Variants in TNRC6C observed in about 807,000 individuals in gnomAD.
TNRC6C encodes trinucleotide repeat-containing gene 6C protein.
A neutral mutation model predicts 153.7 loss-of-function variants in TNRC6C; 20 were observed. The ratio of observed to expected loss-of-function variants is 0.13; its 90% CI spans 0.09 to 0.19. The LOEUF is 0.19. Ranked by LOEUF, TNRC6C falls within the 10% of genes least tolerant of loss-of-function variation. The probability of loss-of-function intolerance (pLI) is 1.00; values close to 1 mark genes in which losing one functional copy is unlikely to be tolerated. For synonymous variants in TNRC6C, 811 were observed against 841.4 expected (o/e 0.96, Z 0.63); for missense variants, 1,987 against 2,172.0 (o/e 0.91, Z 1.69).
chr17:78,034,769 G>A (rs2072146742), intron 2 of TNRC6C, among the ~76,000 whole-genome samples: 1 of 152,094 alleles, frequency 6.6e-6, no homozygotes, highest in African/African-American at 2.4e-5. Context: ...AGGAGTTCGA[G>A]GCCAGCCTGG....
intron 11 of TNRC6C, among the ~76,000 whole-genome samples, chr17:78,084,326 A>G (rs1005927202): frequency 1.6e-4 from 24 of 151,120 alleles, no homozygotes; most frequent in African/African-American, 5.6e-4. Flanking sequence ...TGAAGGAGAA[A>G]AAAAAAAAAA....
chr17:78,093,705 T>G, exon 16 of TNRC6C: 2 of 1,613,958 alleles, frequency 1.2e-6, no homozygotes, highest in South Asian at 1.1e-5. Flanking sequence ...GTGTCCCCAC[T>G]GGGCCTACCA....
intron 3 of TNRC6C, among the ~76,000 whole-genome samples, chr17:78,062,720 G>A (rs566928794): frequency 2.6e-5 from 4 of 152,308 alleles, no homozygotes; most frequent in East Asian, 3.9e-4. Context: ...TGTGAAGGGC[G>A]TGGGGAAATC....
rs546559640 is a variant in TNRC6C, at chr17:78,087,490, C to T, written c.3802+397C>T. ...AGGAGTTTTGCCGCTGCCAATAATA[C>T]TCTCAGTATAAAACCTTTAAAGGTA... is the stretch of plus-strand genomic sequence containing the variant. On this transcript the variant is annotated intron_variant, in intron 13 of 19. Coordinates refer to ENST00000301624, the Ensembl canonical transcript of TNRC6C. Among the ~76,000 whole-genome samples the T allele has an allele frequency of 7.2e-5, 11 of 151,986 alleles. No individual in the cohort carries two copies. In the South Asian group the frequency reaches 2.1e-3, roughly 29 times the overall value.
chr17:78,086,344 A>AC (rs1567959755), intron 11 of TNRC6C, among the ~76,000 whole-genome samples, 159 bp from the exon 14 acceptor site: 5 of 116,944 alleles, frequency 4.3e-5, no homozygotes, highest in South Asian at 2.8e-4. Context: ...AAAAAAAAAA[A>AC]AAAAAAAAAA....
Position 78,104,615 on chromosome 17 carries a change from C to T in TNRC6C, c.4843C>T (p.Arg1615Trp), listed in dbSNP as rs1476914716. 4 of 1,549,656 alleles carry T rather than the reference C, an allele frequency of 2.6e-6. No individual in the cohort carries two copies. Among genetic ancestry groups the T allele is most frequent in the South Asian group, 1.2e-5 (1 of 84,174 alleles). ...GTCCAGCAGCGCGTCCAGCCAGCCG[C>T]GGCTCAGCGCAGCGGGCAGCTCCCA... Residue 1615 changes from arginine to tryptophan, a missense_variant, in exon 20 of 20, where the codon CGG (arginine) becomes TGG (tryptophan). Arg to Trp is a moderately radical substitution (Grantham distance 101, BLOSUM62 -3). Coordinates refer to ENST00000301624, the Ensembl canonical transcript of TNRC6C. This position sits in a 1 kb window ranked among gnomAD's most constrained non-coding sequence, Gnocchi z 6.2.
At chr17:77,983,897 G>T (rs2071117705) in intron 1 of TNRC6C, among the ~76,000 whole-genome samples, 1 of 152,154 alleles carries the variant, frequency 6.6e-6, no homozygotes, top group African/African-American at 2.4e-5. Flanking sequence ...TACAATGTCT[G>T]TTCGGACTGC....
intron 3 of TNRC6C, among the ~76,000 whole-genome samples, chr17:78,056,211 G>A (rs930439730): frequency 6.6e-6 from 1 of 151,256 alleles, no homozygotes; most frequent in Non-Finnish European, 1.5e-5. Context: ...GGGCTAGAGT[G>A]CAGTGACACA....
chr17:78,061,115 G>T (rs1431783594), intron 3 of TNRC6C, among the ~76,000 whole-genome samples: 1 of 152,140 alleles, frequency 6.6e-6, no homozygotes, highest in Non-Finnish European at 1.5e-5. Context: ...TTAATTTGAA[G>T]AAATTGAAGG....
rs56781955 is a variant in TNRC6C at position 77,984,828 on chromosome 17, GCA to G, written c.-37-19324_-37-19323del. Among the ~76,000 whole-genome samples, 414 of 149,480 alleles carry G rather than the reference GCA, an allele frequency of 2.8e-3. 2 individuals carry two copies. Among genetic ancestry groups the G allele is most frequent in the African/African-American group, 9.5e-3 (388 of 40,910 alleles). On this transcript the variant is annotated intron_variant, in intron 1 of 22. Transcript: ENST00000636222. ...CCTCTGAGTTCTTAGCCTCTTATAC[GCA>G]CACACACACACACACACTCTTTTAG...
At chr17:77,980,959 G>T (rs1206956528) in intron 1 of TNRC6C, among the ~76,000 whole-genome samples, 3 of 152,026 alleles carry the variant, frequency 2.0e-5, no homozygotes, top group Non-Finnish European at 4.4e-5. Flanking sequence ...TTTTGGGTTT[G>T]TTTTGTTTTG....
At chr17:78,025,324 A>G (rs2071920165) in intron 1 of TNRC6C, among the ~76,000 whole-genome samples, 1 of 152,220 alleles carries the variant, frequency 6.6e-6, no homozygotes, top group African/African-American at 2.4e-5. Flanking sequence ...ATCAGACAGT[A>G]TCTACATACT....
chr17:78,008,281 C>T (rs2071558173), intron 1 of TNRC6C: 1 of 152,226 alleles, frequency 6.6e-6, no homozygotes, highest in Non-Finnish European at 1.5e-5. Context: ...TCTAGGAAGT[C>T]TGCTTTGTAA....
At chr17:78,086,328 TAAAAAA>T (rs58348772) in intron 11 of TNRC6C, among the ~76,000 whole-genome samples, 169 bp from the exon 14 acceptor site, 3,238 of 52,272 alleles carry the variant, frequency 0.062, 27 homozygotes, top group East Asian at 0.1. Context: ...AGACTCCATC[TAAAAAA>T]AAAAAAAAAA....
intron 1 of TNRC6C, among the ~76,000 whole-genome samples, chr17:77,966,129 G>A (rs1052934860): frequency 9.2e-5 from 14 of 152,172 alleles, no homozygotes; most frequent in South Asian, 2.1e-4. Context: ...TTTGTAAAGC[G>A]CGTAACATAA....
chr17:77,970,242 G>A (rs1326120172), intron 1 of TNRC6C, among the ~76,000 whole-genome samples: 3 of 152,050 alleles, frequency 2.0e-5, no homozygotes, highest in Non-Finnish European at 4.4e-5. Flanking sequence ...TTTACATTTT[G>A]TTTTGTTTCT....
chr17:77,980,964 GT>G (rs1316952984), intron 1 of TNRC6C, among the ~76,000 whole-genome samples: 2 of 151,980 alleles, frequency 1.3e-5, no homozygotes, highest in Non-Finnish European at 2.9e-5. Context: ...GGTTTGTTTT[GT>G]TTTGTTATGT....
chr17:78,000,629 C>CAA (rs1289155801), upstream of TNRC6C, among the ~76,000 whole-genome samples: 2 of 75,818 alleles, frequency 2.6e-5, 1 homozygote, highest in African/African-American at 1.2e-4. Flanking sequence ...CCCCCCCCCC[C>CAA]CCACACACAC....
chr17:77,983,716 C>G (rs2071114905), intron 1 of TNRC6C, among the ~76,000 whole-genome samples: 1 of 152,154 alleles, frequency 6.6e-6, no homozygotes, highest in African/African-American at 2.4e-5. Context: ...ATTGTAGTAA[C>G]TTAGCATATT....
Sources: gnomAD v4.1 joint callset for allele counts (sites outside exome capture counted in the v4.1 genomes callset) on GRCh38, gnomAD v4.1.1 for gene constraint, Gnocchi (gnomAD v3.1) non-coding constraint, MANE v1.5 for transcripts, NCBI Gene and HGNC (gene_info 2026-07-23, HGNC 2026-07-21) for gene names.